Variants in UBE2V2 observed in about 807,000 individuals in gnomAD.
UBE2V2 encodes ubiquitin conjugating enzyme E2 V2, also known as ubiquitin-conjugating enzyme E2 variant 2.
UBE2V2 carries 9 observed loss-of-function variants against 17.2 expected under a neutral mutation model. The observed-to-expected ratio is 0.52, with a 90% CI of 0.32 to 0.91. UBE2V2 has a LOEUF of 0.91. UBE2V2 is among the 40% of genes least tolerant of loss of function. The pLI is 0.04. For synonymous variants in UBE2V2, 61 were observed against 57.5 expected, an observed-to-expected ratio of 1.06 and a Z score of -0.28; for missense variants, 133 against 182.6, an observed-to-expected ratio of 0.73 and a Z score of 1.56.
At chr8:48,016,493 T>G (rs969560081) in intron 1 of UBE2V2, among the ~76,000 whole-genome samples, 2 of 152,132 alleles carry the variant, frequency 1.3e-5, no homozygotes, top group African/African-American at 2.4e-5. Context: ...GTCATCTTTT[T>G]TTTTTTGAGA....
At chr8:48,040,564 T>G (rs1170653713) in intron 1 of UBE2V2, among the ~76,000 whole-genome samples, 1 of 152,172 alleles carries the variant, frequency 6.6e-6, no homozygotes, top group Non-Finnish European at 1.5e-5. Context: ...ATTCCATATT[T>G]TCTTAATGAT....
At chr8:48,030,611 C>T (rs2091375621) in intron 1 of UBE2V2, among the ~76,000 whole-genome samples, 2 of 152,138 alleles carry the variant, frequency 1.3e-5, no homozygotes, top group South Asian at 4.1e-4. Context: ...GTGCCAGCTA[C>T]TTGTGGGGCT....
chr8:48,051,732 A>G (rs2091539980), intron 3 of UBE2V2, among the ~76,000 whole-genome samples: 2 of 152,004 alleles, frequency 1.3e-5, no homozygotes, highest in African/African-American at 2.4e-5. Context: ...CTCAACCCCA[A>G]CCTAATACGC....
rs780347156 is a variant in UBE2V2 at position 48,044,842 on chromosome 8, G to A, written c.165+1661G>A. ...ATAAATTTGAAATTATTTAGATTTCGTTTTTCTCTAGCCACTGCCTGCAGC... is the reference window on the plus strand; with the variant it reads ...ATAAATTTGAAATTATTTAGATTTCATTTTTCTCTAGCCACTGCCTGCAGC... On this transcript the variant is annotated intron_variant, in intron 2 of 3. Coordinates refer to ENST00000523111, the MANE Select transcript of UBE2V2 (RefSeq NM_003350.3). Among the ~76,000 whole-genome samples the A allele has an allele frequency of 3.3e-5, 5 of 152,188 alleles. No homozygotes were observed. In the East Asian group the frequency reaches 5.8e-4, roughly 18 times the overall value.
intron 1 of UBE2V2, among the ~76,000 whole-genome samples, chr8:48,013,096 TG>T (rs1236781346): frequency 6.6e-6 from 1 of 152,040 alleles, no homozygotes; most frequent in Non-Finnish European, 1.5e-5. Context: ...CCGCCCGCCT[TG>T]GCCTCCCAAA....
At chr8:48,057,905 G>T (rs2091583134) in intron 3 of UBE2V2, among the ~76,000 whole-genome samples, 1 of 152,094 alleles carries the variant, frequency 6.6e-6, no homozygotes, top group Non-Finnish European at 1.5e-5. Flanking sequence ...CTATATACCA[G>T]ATCATTTCTT....
the UBE2V2 span, among the ~76,000 whole-genome samples, chr8:47,998,701 TGAGA>T: frequency 2.2e-3 from 302 of 137,738 alleles, 2 homozygotes; most frequent in Non-Finnish European, 3.9e-3. Flanking sequence ...AAAGAGAGAG[TGAGA>T]GAGAGAGAGA....
At chr8:48,000,664 A>T in the UBE2V2 span, among the ~76,000 whole-genome samples, 1 of 151,898 alleles carries the variant, frequency 6.6e-6, no homozygotes. Flanking sequence ...TACTAAAAAT[A>T]CAAAAAAATT....
At chr8:48,058,821 G>A (rs1359344719) in intron 3 of UBE2V2, among the ~76,000 whole-genome samples, 2 of 151,856 alleles carry the variant, frequency 1.3e-5, no homozygotes, top group East Asian at 1.9e-4. Flanking sequence ...CATGGTTTTT[G>A]TTCTCTGTTC....
At position 48,063,982 on chromosome 8, in the gene UBE2V2, G is replaced by A. The variant is rs1277666532; in HGVS notation, c.*3154G>A. The A allele has an allele frequency of 2.0e-5, 3 of 152,176 alleles. No individual in the cohort carries two copies. In the East Asian group the frequency reaches 5.8e-4, roughly 29 times the overall value. The allele number at this position is 152,176 out of a possible 1,614,324, so 9.4% of individuals were successfully genotyped here. ...AATTATGAATGCTTTTTTCTTAATA[G>A]GTTTGGTGTGTGTGGCTTTGAATGG... On this transcript the variant is annotated 3_prime_UTR_variant, in exon 4 of 4. Coordinates refer to ENST00000523111, the MANE Select transcript of UBE2V2 (RefSeq NM_003350.3).
At chr8:48,035,410 C>T (rs1051328029) in intron 1 of UBE2V2, among the ~76,000 whole-genome samples, 10 of 151,930 alleles carry the variant, frequency 6.6e-5, no homozygotes, top group East Asian at 1.9e-4. Context: ...CATGAGCCAC[C>T]GCGCCCTGCC....
intron 1 of UBE2V2, among the ~76,000 whole-genome samples, chr8:48,018,594 G>C (rs977973940): frequency 1.4e-4 from 22 of 152,258 alleles, no homozygotes; most frequent in African/African-American, 5.3e-4. Context: ...CCTTGAGAAT[G>C]TTCCATGTGC....
intron 1 of UBE2V2, among the ~76,000 whole-genome samples, chr8:48,040,323 T>C (rs1215868157): frequency 6.6e-6 from 1 of 152,138 alleles, no homozygotes; most frequent in Admixed American, 6.6e-5. Context: ...AGGAAATTAA[T>C]GTTGATAGAG....
At chr8:48,009,963 G>A (rs954999213) in intron 1 of UBE2V2, among the ~76,000 whole-genome samples, 8 of 152,108 alleles carry the variant, frequency 5.3e-5, no homozygotes, top group African/African-American at 1.9e-4. Context: ...TATAACAGTT[G>A]TGCTTAGGAC....
intron 1 of UBE2V2, among the ~76,000 whole-genome samples, chr8:48,037,986 C>T (rs1371933630): frequency 6.6e-6 from 1 of 152,190 alleles, no homozygotes; most frequent in East Asian, 1.9e-4. Flanking sequence ...CCCTTCCAGG[C>T]CATTTCTGAC....
chr8:48,057,522 C>T (rs1025534786), intron 3 of UBE2V2, among the ~76,000 whole-genome samples: 84 of 151,944 alleles, frequency 5.5e-4, no homozygotes, highest in African/African-American at 1.6e-3. Flanking sequence ...AGGCTGGTCT[C>T]GAACTTCCGA....
At chr8:48,002,992 A>G in the UBE2V2 span, among the ~76,000 whole-genome samples, 1 of 152,152 alleles carries the variant, frequency 6.6e-6, no homozygotes, top group Non-Finnish European at 1.5e-5. Flanking sequence ...AAGGCGAATC[A>G]TGAGGTCAAG....
intron 1 of UBE2V2, among the ~76,000 whole-genome samples, chr8:48,040,957 T>G (rs1275343416): frequency 7.2e-6 from 1 of 139,406 alleles, no homozygotes; most frequent in Admixed American, 7.6e-5. Context: ...CTCTGCCTCC[T>G]GGGTTCACAC....
At position 48,033,191 on chromosome 8, in the gene UBE2V2, AT is replaced by A. The variant is rs376034967; in HGVS notation, c.17-9832del. Among the ~76,000 whole-genome samples the A allele has an allele frequency of 6.7e-5, 10 of 149,236 alleles. No homozygotes were observed. The East Asian group carries it at 1.6e-3, about 23-fold the overall frequency. On this transcript the variant is annotated intron_variant, in intron 1 of 3. Coordinates refer to ENST00000523111, the MANE Select transcript of UBE2V2 (RefSeq NM_003350.3). ...CAGTGATTTTTTTTATTCTTTTTCC[AT>A]TTTTTTTTTCCTGAGACGGTGTCTT...
Sources: gnomAD v4.1 joint callset for allele counts (sites outside exome capture counted in the v4.1 genomes callset) on GRCh38, gnomAD v4.1.1 for gene constraint, MANE v1.5 for transcripts, NCBI Gene and HGNC (gene_info 2026-07-23, HGNC 2026-07-21) for gene names.